FCER1A: variants seen among roughly 807,000 people sequenced by gnomAD.
The protein encoded by FCER1A is Fc epsilon receptor Ia.
A neutral mutation model predicts 23.6 loss-of-function variants in FCER1A; 24 were observed. That is an observed-to-expected ratio of 1.02 (90% confidence interval 0.74 to 1.43). The LOEUF (loss-of-function observed/expected upper bound fraction) is 1.43, where lower values mean the gene tolerates loss of function less well. FCER1A is among the 40% of genes most tolerant of loss of function. FCER1A has a pLI of 0.00. For missense variants in FCER1A, 318 were observed against 294.5 expected, an observed-to-expected ratio of 1.08 and a Z score of -0.58; for synonymous variants, 121 against 108.8, an observed-to-expected ratio of 1.11 and a Z score of -0.70.
intron 1 of FCER1A, among the ~76,000 whole-genome samples, chr1:159,295,160 G>T (rs909076514): frequency 6.6e-6 from 1 of 152,114 alleles, no homozygotes; most frequent in Non-Finnish European, 1.5e-5. Flanking sequence ...GTCATGCAGA[G>T]AAGATTTTCT....
chr1:159,291,813 A>G (rs1652160137), intron 1 of FCER1A, among the ~76,000 whole-genome samples: 1 of 152,104 alleles, frequency 6.6e-6, no homozygotes. Flanking sequence ...TCACTTTTTT[A>G]GCCCACTTCA....
chr1:159,290,722 A>T (rs777701785), intron 1 of FCER1A, among the ~76,000 whole-genome samples: 4 of 152,328 alleles, frequency 2.6e-5, no homozygotes, highest in Middle Eastern at 3.4e-3. Flanking sequence ...AATAGGATAA[A>T]GCACAATGCC....
rs528523934 is a variant in FCER1A, at chr1:159,305,762, T to C, written c.332-226T>C. ...ACTCATCAGGGAGGTCCGAGAGGCTTTGTGGCCCCAGACTGACTTTTCAGG... is the reference window on the plus strand; with the variant it reads ...ACTCATCAGGGAGGTCCGAGAGGCTCTGTGGCCCCAGACTGACTTTTCAGG... On this transcript the variant is annotated intron_variant, in intron 3 of 4. Coordinates refer to ENST00000693622, the MANE Select transcript of FCER1A (RefSeq NM_001387280.1). Among the ~76,000 whole-genome samples, 4 of 152,246 alleles carry C rather than the reference T, an allele frequency of 2.6e-5. No homozygotes were observed. In the East Asian group the frequency reaches 5.8e-4, roughly 22 times the overall value.
intron 2 of FCER1A, among the ~76,000 whole-genome samples, chr1:159,303,583 A>C (rs1164159050): frequency 6.6e-6 from 1 of 152,252 alleles, no homozygotes; most frequent in Non-Finnish European, 1.5e-5. Context: ...CATGGCAGAC[A>C]GTGTTTCTAC....
intron 1 of FCER1A, among the ~76,000 whole-genome samples, chr1:159,291,711 C>A (rs1652157423): frequency 6.6e-6 from 1 of 152,054 alleles, no homozygotes; most frequent in Non-Finnish European, 1.5e-5. Flanking sequence ...AAGAATCCTC[C>A]CTTAACCCCA....
At chr1:159,284,622 G>A in the FCER1A span, among the ~76,000 whole-genome samples, 1 of 152,158 alleles carries the variant, frequency 6.6e-6, no homozygotes, top group African/African-American at 2.4e-5. Flanking sequence ...TAAATGACTT[G>A]TGATTTCCAA....
At chr1:159,303,541 C>T (rs1408021029) in intron 2 of FCER1A, among the ~76,000 whole-genome samples, 1 of 152,202 alleles carries the variant, frequency 6.6e-6, no homozygotes, top group African/African-American at 2.4e-5. Flanking sequence ...CATTCATTCA[C>T]ATAATAAATA....
chr1:159,294,223 A>C (rs934009091), intron 1 of FCER1A, among the ~76,000 whole-genome samples: 1 of 152,188 alleles, frequency 6.6e-6, no homozygotes, highest in African/African-American at 2.4e-5. Context: ...TACTGGGTAT[A>C]TACGCAAAGG....
chr1:159,306,427 T>C (rs1047729375), intron 4 of FCER1A, among the ~76,000 whole-genome samples, 182 bp downstream of exon 4: 2 of 152,172 alleles, frequency 1.3e-5, no homozygotes, highest in Admixed American at 6.5e-5. Context: ...AAGCCTTGAC[T>C]TGTTAAATGG....
intron 1 of FCER1A, among the ~76,000 whole-genome samples, chr1:159,293,499 C>T (rs1652212088): frequency 1.3e-5 from 2 of 150,364 alleles, no homozygotes; most frequent in Non-Finnish European, 3.0e-5. Flanking sequence ...CCCATTAACT[C>T]GTCATTTAGC....
At chr1:159,292,315 A>G (rs960090646) in intron 1 of FCER1A, among the ~76,000 whole-genome samples, 10 of 152,028 alleles carry the variant, frequency 6.6e-5, no homozygotes, top group African/African-American at 2.2e-4. Context: ...ACACTTCCCA[A>G]CCGGAACACT....
intron 4 of FCER1A, among the ~76,000 whole-genome samples, chr1:159,307,224 A>G (rs1404363795): frequency 2.0e-5 from 3 of 152,180 alleles, no homozygotes; most frequent in African/African-American, 7.2e-5. Flanking sequence ...TCTGGATGTA[A>G]TATTCTGAGG....
At chr1:159,285,959 C>T (rs2511215), upstream of FCER1A, among the ~76,000 whole-genome samples, 62,102 of 151,948 alleles carry the variant, frequency 0.41, 15,197 homozygotes, top group East Asian at 0.7. Context: ...CCAAGGCAGC[C>T]GGATCACTTG....
intron 4 of FCER1A, among the ~76,000 whole-genome samples, chr1:159,306,742 G>T (rs755264832): frequency 2.0e-5 from 3 of 152,140 alleles, no homozygotes; most frequent in Non-Finnish European, 2.9e-5. Flanking sequence ...GGAGGGAATG[G>T]ACTTGATATG....
chr1:159,304,437 A>C (rs1294271022), intron 3 of FCER1A, among the ~76,000 whole-genome samples: 1 of 150,886 alleles, frequency 6.6e-6, no homozygotes, highest in Non-Finnish European at 1.5e-5. Flanking sequence ...CATCTCTGCT[A>C]AAAAATATAT....
upstream of FCER1A, among the ~76,000 whole-genome samples, chr1:159,300,062 T>C (rs1300174674): frequency 6.6e-6 from 1 of 152,186 alleles, no homozygotes; most frequent in Non-Finnish European, 1.5e-5. Context: ...ACATTTTTGC[T>C]GTTACTGCTA....
chr1:159,289,621 CT>C (rs1299849302), upstream of FCER1A: 1 of 152,160 alleles, frequency 6.6e-6, no homozygotes, highest in Admixed American at 6.6e-5. Flanking sequence ...CTAAAACAGT[CT>C]CATTGGAGTT....
intron 1 of FCER1A, among the ~76,000 whole-genome samples, chr1:159,292,993 C>T (rs1395031392): frequency 1.3e-5 from 2 of 151,904 alleles, no homozygotes; most frequent in African/African-American, 4.8e-5. Flanking sequence ...AGAATGTCCT[C>T]ACCAGATAGA....
intron 1 of FCER1A, among the ~76,000 whole-genome samples, chr1:159,292,445 C>G (rs1044913419): frequency 6.6e-6 from 1 of 152,086 alleles, no homozygotes; most frequent in Non-Finnish European, 1.5e-5. Context: ...ATATTTTATA[C>G]TTTCTGTGCC....
Sources: allele counts gnomAD v4.1 joint callset (sites outside exome capture counted in the v4.1 genomes callset), GRCh38; gene constraint gnomAD v4.1.1; transcripts MANE v1.5; gene names NCBI Gene and HGNC (gene_info 2026-07-23, HGNC 2026-07-21).